The following GPATCH2 variants were observed in gnomAD, a reference collection of about 807,000 sequenced individuals.
GPATCH2 encodes the protein G patch domain-containing protein 2.
In GPATCH2, 51 loss-of-function variants were observed where a neutral mutation model predicts 58.0. The ratio of observed to expected loss-of-function variants is 0.88; its 90% CI spans 0.70 to 1.11. The LOEUF is 1.11. Among genes scored for constraint, GPATCH2 ranks in the 50% most tolerant of loss-of-function variants. The pLI is 0.00. For synonymous variants in GPATCH2, 222 were observed against 218.5 expected, an observed-to-expected ratio of 1.02 and a Z score of -0.14; for missense variants, 625 against 652.2, an observed-to-expected ratio of 0.96 and a Z score of 0.45.
chr1:217,521,332 G>T (rs1663443504), intron 5 of GPATCH2, among the ~76,000 whole-genome samples: 1 of 112,896 alleles, frequency 8.9e-6, no homozygotes, highest in African/African-American at 3.6e-5. Context: ...TTACCACCTA[G>T]TACTTTTTCC....
At chr1:217,626,733 T>C (rs1046384451) in intron 1 of GPATCH2, among the ~76,000 whole-genome samples, 3 of 152,142 alleles carry the variant, frequency 2.0e-5, no homozygotes, top group Non-Finnish European at 4.4e-5. Context: ...CTTTTATATA[T>C]ATGTGAGGGA....
At chr1:217,479,865 A>C (rs1250171737) in intron 8 of GPATCH2, among the ~76,000 whole-genome samples, 1 of 152,186 alleles carries the variant, frequency 6.6e-6, no homozygotes, top group African/African-American at 2.4e-5. Context: ...GAATAGCTAT[A>C]TTTATGTGAG....
At chr1:217,611,917 T>C (rs1668653038) in intron 3 of GPATCH2, among the ~76,000 whole-genome samples, 1 of 152,064 alleles carries the variant, frequency 6.6e-6, no homozygotes. Context: ...TGGTGGCTCA[T>C]GTGTGTAATC....
intron 8 of GPATCH2, among the ~76,000 whole-genome samples, chr1:217,459,977 G>T (rs969972704): frequency 1.3e-5 from 2 of 152,014 alleles, no homozygotes; most frequent in African/African-American, 4.8e-5. Context: ...GGAAATAATA[G>T]AATTTAAAGA....
At chr1:217,537,010 CAT>C (rs1456377284) in intron 5 of GPATCH2, among the ~76,000 whole-genome samples, 2 of 152,102 alleles carry the variant, frequency 1.3e-5, no homozygotes, top group East Asian at 3.9e-4. Context: ...AACAAACAGA[CAT>C]ATGAGCTTTG....
At chr1:217,432,985 T>C (rs1658617250) in intron 9 of GPATCH2, among the ~76,000 whole-genome samples, 1 of 152,118 alleles carries the variant, frequency 6.6e-6, no homozygotes, top group Admixed American at 6.5e-5. Flanking sequence ...CATGTCTTCC[T>C]AGACAGAGGT....
chr1:217,439,006 C>G (rs1658995508), intron 9 of GPATCH2, among the ~76,000 whole-genome samples: 1 of 152,182 alleles, frequency 6.6e-6, no homozygotes, highest in Admixed American at 6.5e-5. Flanking sequence ...GAACTCAGCT[C>G]TGGTCCAAGC....
chr1:217,567,045 G>GTTTTTTTTTTTTTTTTTTTT, intron 5 of GPATCH2, among the ~76,000 whole-genome samples: 1 of 140,762 alleles, frequency 7.1e-6, no homozygotes, highest in Non-Finnish European at 1.5e-5. Context: ...ATAACTTCTG[G>GTTTTTTTTTTTTTTTTTTTT]CTTTTTTTTT....
intron 7 of GPATCH2, among the ~76,000 whole-genome samples, chr1:217,497,996 G>A (rs1662096014): frequency 6.6e-6 from 1 of 152,102 alleles, no homozygotes; most frequent in Non-Finnish European, 1.5e-5. Context: ...TTCTCTTCCT[G>A]GCTGAACTTA....
intron 5 of GPATCH2, among the ~76,000 whole-genome samples, chr1:217,604,675 A>G (rs1350575244): frequency 6.6e-6 from 1 of 152,184 alleles, no homozygotes; most frequent in Admixed American, 6.5e-5. Flanking sequence ...TTCTATCATA[A>G]AAGTTTTCCT....
chr1:217,537,430 C>T (rs1415602744), intron 5 of GPATCH2, among the ~76,000 whole-genome samples: 2 of 151,884 alleles, frequency 1.3e-5, no homozygotes, highest in African/African-American at 4.8e-5. Flanking sequence ...GATTATAAGG[C>T]TTTATAATAT....
intron 8 of GPATCH2, among the ~76,000 whole-genome samples, chr1:217,467,843 C>A (rs1660533586): frequency 6.6e-6 from 1 of 152,040 alleles, no homozygotes; most frequent in African/African-American, 2.4e-5. Context: ...CTGGTCTAAG[C>A]CAGAAAAGGT....
intron 9 of GPATCH2, among the ~76,000 whole-genome samples, chr1:217,447,654 T>C (rs1402707026): frequency 6.6e-6 from 1 of 152,206 alleles, no homozygotes; most frequent in Non-Finnish European, 1.5e-5. Context: ...TCTTGAAAAT[T>C]CAATACAGCC....
Position 217,602,992 on chromosome 1 carries a change from G to A in GPATCH2, c.1098+7329C>T, listed in dbSNP as rs552619314. 2.8e-4 allele frequency among the ~76,000 whole-genome samples: 43 copies of A among 152,108 alleles called. 1 individual carries two copies. The highest frequency in any genetic ancestry group is 8.7e-4 in the African/African-American group (36 of 41,522). ...TCGTATTAATTTTGGCTTGTCAAAG[G>A]AAGAACATGTAATAAACTGTTTAAG... On this transcript the variant is annotated intron_variant, in intron 5 of 9. Coordinates refer to ENST00000366935, the MANE Select transcript of GPATCH2 (RefSeq NM_018040.5).
chr1:217,452,758 C>T (rs1043477710), intron 8 of GPATCH2, among the ~76,000 whole-genome samples: 8 of 151,974 alleles, frequency 5.3e-5, no homozygotes, highest in Non-Finnish European at 1.0e-4. Flanking sequence ...CTCCCTTCCC[C>T]GACCCCCAAC....
intron 5 of GPATCH2, among the ~76,000 whole-genome samples, chr1:217,582,848 A>G (rs566410343): frequency 6.6e-6 from 1 of 152,328 alleles, no homozygotes; most frequent in South Asian, 2.1e-4. Flanking sequence ...ACAATAAAAT[A>G]TACTTAACTA....
chr1:217,472,957 C>T (rs1206047714), intron 8 of GPATCH2, among the ~76,000 whole-genome samples: 1 of 152,120 alleles, frequency 6.6e-6, no homozygotes, highest in Admixed American at 6.5e-5. Flanking sequence ...AGTTCTTTCA[C>T]CACTAAGGTA....
At chr1:217,568,400 C>G (rs1321693771) in intron 5 of GPATCH2, among the ~76,000 whole-genome samples, 1 of 152,086 alleles carries the variant, frequency 6.6e-6, no homozygotes, top group Non-Finnish European at 1.5e-5. Context: ...AGATAAGAAT[C>G]TCTGCTTTCA....
intron 1 of GPATCH2, among the ~76,000 whole-genome samples, chr1:217,622,394 A>G (rs371764690): frequency 6.6e-6 from 1 of 152,224 alleles, no homozygotes; most frequent in Non-Finnish European, 1.5e-5. Flanking sequence ...AATTATTTCC[A>G]TGGGCATTCT....
Sources: gnomAD v4.1 joint callset for allele counts (sites outside exome capture counted in the v4.1 genomes callset) on GRCh38, gnomAD v4.1.1 for gene constraint, MANE v1.5 for transcripts, NCBI Gene and HGNC (gene_info 2026-07-23, HGNC 2026-07-21) for gene names.